The following METTL24 variants were observed in gnomAD, a reference collection of about 807,000 sequenced individuals.
METTL24 encodes the protein methyltransferase like 24.
A neutral mutation model predicts 32.7 loss-of-function variants in METTL24; 29 were observed. The observed-to-expected ratio is 0.89, with a 90% CI of 0.66 to 1.21. The LOEUF (loss-of-function observed/expected upper bound fraction) is 1.21. Ranked by LOEUF, METTL24 falls within the 50% of genes most tolerant of loss-of-function variation. The pLI, the probability that METTL24 is intolerant of heterozygous loss-of-function variation, is 0.00. For synonymous variants in METTL24, 163 were observed against 179.5 expected, an observed-to-expected ratio of 0.91 and a Z score of 0.73; for missense variants, 439 against 468.1, an observed-to-expected ratio of 0.94 and a Z score of 0.57.
chr6:110,280,923 G>T (rs1458217563), intron 4 of METTL24, among the ~76,000 whole-genome samples: 1 of 152,090 alleles, frequency 6.6e-6, no homozygotes, highest in Non-Finnish European at 1.5e-5. Context: ...TAAGTGCTGG[G>T]ATTACAGGAA....
rs1004750484 is a variant in METTL24, at chr6:110,311,478, T to G, written c.557+3864A>C. Among the ~76,000 whole-genome samples the G allele has an allele frequency of 1.3e-4, 18 of 138,218 alleles. 1 individual carries two copies. Among genetic ancestry groups the G allele is most frequent in the South Asian group, 4.8e-4 (2 of 4,204 alleles). The allele number at this position is 138,218 out of a possible 152,430, so 90.7% of individuals were successfully genotyped here. A position where few individuals can be genotyped will look rare whatever the true frequency, so the allele number is the denominator to read the frequency against. ...TTCTTTTCTTTCTTTGTTTTTTTTT[T>G]TTTTTTTTTTTTTGAGACGGAGTCT... On this transcript the variant is annotated intron_variant, in intron 3 of 4. Transcript: ENST00000338882.
intron 4 of METTL24, among the ~76,000 whole-genome samples, chr6:110,247,505 C>A (rs1778190089): frequency 6.6e-6 from 1 of 152,140 alleles, no homozygotes; most frequent in African/African-American, 2.4e-5. Context: ...GTATTATTAT[C>A]AATATTGCCA....
In METTL24 at chr6:110,300,481, C is replaced by T. The variant is rs925271273; in HGVS notation, c.558-1331G>A. 7.2e-4 allele frequency among the ~76,000 whole-genome samples: 105 copies of T among 145,032 alleles called. 1 individual carries two copies. The highest frequency in any genetic ancestry group is 9.9e-4 in the Non-Finnish European group (67 of 67,592). On this transcript the variant is annotated intron_variant, in intron 3 of 4. Transcript: ENST00000338882. ...CATCACCCAGGCCGGAGCATAGTGG[C>T]GTGATCTCAGCTCACTGCAACCTCT...
chr6:110,311,724 T>G (rs1771727417), intron 3 of METTL24, among the ~76,000 whole-genome samples: 1 of 152,152 alleles, frequency 6.6e-6, no homozygotes, highest in African/African-American at 2.4e-5. Context: ...TCTGCCTGCC[T>G]CAGCCTCAAA....
intron 1 of METTL24, among the ~76,000 whole-genome samples, chr6:110,328,364 TA>T (rs1355226394): frequency 2.6e-5 from 4 of 152,234 alleles, no homozygotes; most frequent in African/African-American, 9.6e-5. Flanking sequence ...TTTTCATTAC[TA>T]GAGAAAAATT....
intron 1 of METTL24, among the ~76,000 whole-genome samples, chr6:110,353,947 A>C (rs1421683238): frequency 6.6e-6 from 1 of 152,292 alleles, no homozygotes; most frequent in South Asian, 2.1e-4. Context: ...AAGAAAAAAA[A>C]CCCAAACAGA....
intron 4 of METTL24, 132 bp downstream of exon 4, chr6:110,298,790 T>A (rs1771466424): frequency 4.2e-6 from 3 of 721,908 alleles, no homozygotes. Flanking sequence ...ATAAATAATG[T>A]TGGGTGATTA....
At chr6:110,333,060 A>G (rs763750577) in intron 1 of METTL24, among the ~76,000 whole-genome samples, 10 of 152,070 alleles carry the variant, frequency 6.6e-5, no homozygotes, top group Non-Finnish European at 1.3e-4. Flanking sequence ...TACACACCCT[A>G]TTCAAAATAC....
chr6:110,355,118 G>A (rs1237092286), intron 1 of METTL24, among the ~76,000 whole-genome samples: 1 of 152,088 alleles, frequency 6.6e-6, no homozygotes, highest in African/African-American at 2.4e-5. Context: ...CATTCCATCC[G>A]AAATGGATTA....
At chr6:110,252,807 C>T (rs1422693441) in intron 4 of METTL24, among the ~76,000 whole-genome samples, 2 of 152,146 alleles carry the variant, frequency 1.3e-5, no homozygotes, top group Admixed American at 1.3e-4. Context: ...GGCCTTGACA[C>T]CCCCACCACT....
At chr6:110,274,017 T>G (rs960303259) in intron 4 of METTL24, among the ~76,000 whole-genome samples, 5 of 152,226 alleles carry the variant, frequency 3.3e-5, no homozygotes, top group African/African-American at 1.2e-4. Context: ...ATGTGGTATC[T>G]ATACACCATG....
At chr6:110,329,217 T>C (rs552750281) in intron 1 of METTL24, among the ~76,000 whole-genome samples, 19 of 152,304 alleles carry the variant, frequency 1.2e-4, no homozygotes, top group African/African-American at 3.4e-4. Context: ...ACCAGCAGTT[T>C]TCTGCTGGGA....
At chr6:110,298,317 A>C (rs1247746145) in intron 4 of METTL24, among the ~76,000 whole-genome samples, 1 of 152,264 alleles carries the variant, frequency 6.6e-6, no homozygotes, top group Non-Finnish European at 1.5e-5. Flanking sequence ...AACACAGTTC[A>C]AAGATTGTTT....
At chr6:110,346,922 A>AT (rs910616164) in intron 1 of METTL24, among the ~76,000 whole-genome samples, 3 of 151,894 alleles carry the variant, frequency 2.0e-5, no homozygotes, top group East Asian at 1.9e-4. Context: ...ATGTAAATAC[A>AT]TTTTTTTTGA....
chr6:110,278,776 C>A (rs1347613857), intron 4 of METTL24, among the ~76,000 whole-genome samples: 2 of 152,124 alleles, frequency 1.3e-5, no homozygotes, highest in Non-Finnish European at 2.9e-5. Flanking sequence ...AACACTAACA[C>A]TTTGGGAGGC....
intron 2 of METTL24, among the ~76,000 whole-genome samples, chr6:110,320,114 G>A (rs1056249440): frequency 6.6e-6 from 1 of 152,184 alleles, no homozygotes; most frequent in East Asian, 1.9e-4. Flanking sequence ...CATCAATGAT[G>A]CACATACCAA....
At position 110,244,910 on chromosome 6, in the gene METTL24, A is replaced by G. The variant is rs148157127; in HGVS notation, c.*1036T>C. 5.7e-4 allele frequency among the ~76,000 whole-genome samples: 87 copies of G among 152,290 alleles called. No homozygotes were observed. Among genetic ancestry groups the G allele is most frequent in the African/African-American group, 1.9e-3 (77 of 41,558 alleles). ...GGAGAGCACAGACCGAAGGAGCCAG[A>G]TGGAAACCAGAATATGTGAGTCAAG... is the stretch of plus-strand genomic sequence containing the variant. On this transcript the variant is annotated 3_prime_UTR_variant, in exon 5 of 5. Coordinates refer to ENST00000338882, the MANE Select transcript of METTL24 (RefSeq NM_001123364.3).
chr6:110,327,846 T>C (rs17568719), intron 1 of METTL24, among the ~76,000 whole-genome samples: 5,070 of 152,286 alleles, frequency 0.033, 97 homozygotes, highest in Non-Finnish European at 0.049. Flanking sequence ...TCCAAACAAT[T>C]CCCTAAATGC....
chr6:110,356,516 T>C (rs1177578004), intron 1 of METTL24, among the ~76,000 whole-genome samples: 1 of 152,122 alleles, frequency 6.6e-6, no homozygotes, highest in South Asian at 2.1e-4. Flanking sequence ...AACTCAAATA[T>C]GTCCCCCGCC....
Sources: gnomAD v4.1 joint callset for allele counts (sites outside exome capture counted in the v4.1 genomes callset) on GRCh38, gnomAD v4.1.1 for gene constraint, MANE v1.5 for transcripts, NCBI Gene and HGNC (gene_info 2026-07-23, HGNC 2026-07-21) for gene names.